ZFAND3: variants seen among roughly 807,000 people sequenced by gnomAD.
The protein encoded by ZFAND3 is AN1-type zinc finger protein 3.
Under a neutral mutation model 29.6 loss-of-function variants are expected in ZFAND3, and 10 were observed. The observed-to-expected ratio is 0.34, with a 90% confidence interval of 0.21 to 0.57. The LOEUF (loss-of-function observed/expected upper bound fraction) is 0.57. Ranked by LOEUF, ZFAND3 falls within the 20% of genes least tolerant of loss-of-function variation. The pLI is 0.86. For missense variants in ZFAND3, 230 were observed against 304.5 expected, an observed-to-expected ratio of 0.76 and a Z score of 1.82; for synonymous variants, 128 against 112.6, an observed-to-expected ratio of 1.14 and a Z score of -0.87.
chr6:37,895,690 G>A (rs1011575439), intron 1 of ZFAND3, among the ~76,000 whole-genome samples: 4 of 151,932 alleles, frequency 2.6e-5, no homozygotes, highest in African/African-American at 9.7e-5. Context: ...TTGCATGCTA[G>A]TTAAAAGTTT....
At chr6:37,908,037 CCACCCCG>C (rs1765441815) in intron 1 of ZFAND3, among the ~76,000 whole-genome samples, 1 of 152,070 alleles carries the variant, frequency 6.6e-6, no homozygotes, top group East Asian at 1.9e-4. Context: ...TCTGTAGTTC[CCACCCCG>C]CCGTTTCTAA....
Position 37,925,703 on chromosome 6 carries a change from C to CAAA in ZFAND3, c.72-4242_72-4240dup, listed in dbSNP as rs35278839. Among the ~76,000 whole-genome samples, 21 of 118,660 alleles carry CAAA rather than the reference C, an allele frequency of 1.8e-4. No individual in the cohort carries two copies. In the East Asian group the frequency reaches 2.4e-3, roughly 13 times the overall value. 77.8% of individuals were successfully genotyped at this position (118,660 alleles called of 152,430 possible). A position where few individuals can be genotyped will look rare whatever the true frequency, so the allele number is the denominator to read the frequency against. ...TGGGCAACAGAGCTACACTCCATCT[C>CAAA]AAAAAAAAAAAAAAAAGGTTTCTAG... On this transcript the variant is annotated intron_variant, in intron 1 of 5. Coordinates refer to ENST00000287218, the MANE Select transcript of ZFAND3 (RefSeq NM_021943.3).
intron 2 of ZFAND3, among the ~76,000 whole-genome samples, chr6:37,960,481 C>A (rs1762175356): frequency 1.3e-5 from 2 of 152,172 alleles, no homozygotes; most frequent in Admixed American, 1.3e-4. Flanking sequence ...TTTGCCTGAG[C>A]CTGGCAACTT....
At chr6:38,064,631 ACTTGCCAGTTTAG>A (rs2127464630) in intron 3 of ZFAND3, among the ~76,000 whole-genome samples, 1 of 150,016 alleles carries the variant, frequency 6.7e-6, no homozygotes, top group East Asian at 2.0e-4. Context: ...ACCAAGAGTT[ACTTGCCAGTTTAG>A]GCCACTGTAG....
At chr6:37,941,371 CTT>C (rs2127417125) in intron 2 of ZFAND3, among the ~76,000 whole-genome samples, 1 of 152,242 alleles carries the variant, frequency 6.6e-6, no homozygotes, top group African/African-American at 2.4e-5. Context: ...CTGCTCTTTT[CTT>C]TTAGTTCAGT....
intron 3 of ZFAND3, among the ~76,000 whole-genome samples, chr6:38,079,869 G>A (rs1054257193): frequency 1.7e-4 from 26 of 152,038 alleles, no homozygotes; most frequent in African/African-American, 5.1e-4. Context: ...CAGGGCTTGG[G>A]AACTTGTATT....
At chr6:37,977,907 T>C (rs1204318586) in intron 2 of ZFAND3, among the ~76,000 whole-genome samples, 1 of 132,430 alleles carries the variant, frequency 7.6e-6, no homozygotes, top group Non-Finnish European at 1.6e-5. Context: ...CCTCTCCTCT[T>C]CCTTTCTTCC....
intron 2 of ZFAND3, among the ~76,000 whole-genome samples, chr6:37,937,982 T>A (rs1761734942): frequency 6.6e-6 from 1 of 152,192 alleles, no homozygotes; most frequent in South Asian, 2.1e-4. Flanking sequence ...ATGTTTTGCC[T>A]TTTTTCTTAT....
chr6:37,844,557 A>AG (rs1764142682), intron 1 of ZFAND3, among the ~76,000 whole-genome samples: 1 of 152,048 alleles, frequency 6.6e-6, no homozygotes. Context: ...CTGAGATAAC[A>AG]GGCGTGAGCC....
intron 2 of ZFAND3, among the ~76,000 whole-genome samples, chr6:38,051,185 A>T (rs1385070262): frequency 2.6e-5 from 4 of 152,146 alleles, no homozygotes; most frequent in Admixed American, 2.6e-4. Context: ...TCCCAGTCCC[A>T]CCACCATCCT....
chr6:37,884,221 C>T lies in ZFAND3; in HGVS notation c.72-45738C>T, dbSNP rs138232020. On this transcript the variant is annotated intron_variant, in intron 1 of 5. Coordinates refer to ENST00000287218, the MANE Select transcript of ZFAND3 (RefSeq NM_021943.3). ...GAGAATTACGTCAGGTGGCTGGATG[C>T]GGTGGCTCACGCCTGTAATCCCAGC... Among the ~76,000 whole-genome samples, 6 of 145,152 alleles carry T rather than the reference C, an allele frequency of 4.1e-5. 2 individuals carry two copies. Among genetic ancestry groups the T allele is most frequent in the South Asian group, 4.3e-4 (2 of 4,678 alleles).
intron 5 of ZFAND3, among the ~76,000 whole-genome samples, chr6:38,126,459 G>T (rs1448014501): frequency 6.6e-6 from 1 of 152,138 alleles, no homozygotes. Context: ...CCTTAACATT[G>T]TAAGAAACTT....
At chr6:37,952,730 C>G (rs1293122956) in intron 2 of ZFAND3, among the ~76,000 whole-genome samples, 4 of 152,066 alleles carry the variant, frequency 2.6e-5, no homozygotes, top group Non-Finnish European at 5.9e-5. Context: ...ACCAATTTAA[C>G]TCACCCCTTC....
Position 38,061,702 on chromosome 6 carries a change from C to A in ZFAND3, c.222C>A (p.Thr74=). 6.2e-7 allele frequency: 1 copy of A among 1,614,134 alleles called. No homozygotes were observed. The highest frequency in any genetic ancestry group is 2.2e-5 in the East Asian group (1 of 44,872). ...GTGACAACAACAATACCTCGATAAC[C>A]ACGCCAACTCTTAGTCCCAGCCAGC... ...TTSDNNNTSI[T]TPTLSPSQQP... Residue 74 remains threonine (T), a synonymous_variant, in exon 3 of 6, where the codon ACC becomes ACA. Coordinates refer to ENST00000287218, the MANE Select transcript of ZFAND3 (RefSeq NM_021943.3).
At chr6:37,951,065 G>C (rs1443593174) in intron 2 of ZFAND3, among the ~76,000 whole-genome samples, 1 of 152,038 alleles carries the variant, frequency 6.6e-6, no homozygotes, top group African/African-American at 2.4e-5. Context: ...TATAATTCTT[G>C]TTGTAGAGAT....
At position 37,932,267 on chromosome 6, in the gene ZFAND3, A is replaced by G. The variant is rs909228052; in HGVS notation, c.112+2268A>G. ...CAGAACGAGACTCTGTCTCAAAAAA[A>G]AAAAAATAAATAAATAAAAGGACTG... On this transcript the variant is annotated intron_variant, in intron 2 of 5. Coordinates refer to ENST00000287218, the MANE Select transcript of ZFAND3 (RefSeq NM_021943.3). Among the ~76,000 whole-genome samples the G allele has an allele frequency of 3.1e-3, 468 of 152,118 alleles. 3 individuals are homozygous for G. Among genetic ancestry groups the G allele is most frequent in the African/African-American group, 0.011 (445 of 41,454 alleles).
At chr6:37,865,308 T>C (rs1764569967) in intron 1 of ZFAND3, among the ~76,000 whole-genome samples, 1 of 152,212 alleles carries the variant, frequency 6.6e-6, no homozygotes, top group Non-Finnish European at 1.5e-5. Context: ...GTTGTTGTAT[T>C]GTTTTGTTTA....
At chr6:37,848,826 T>G (rs1764229610) in intron 1 of ZFAND3, among the ~76,000 whole-genome samples, 2 of 152,214 alleles carry the variant, frequency 1.3e-5, no homozygotes, top group Non-Finnish European at 2.9e-5. Context: ...GTCTCGATGC[T>G]GGTAGTCTGG....
chr6:38,126,618 G>T (rs1383209967), intron 5 of ZFAND3, among the ~76,000 whole-genome samples: 2 of 152,102 alleles, frequency 1.3e-5, no homozygotes, highest in Non-Finnish European at 2.9e-5. Flanking sequence ...TCTCATTATG[G>T]TATATTAATT....
Sources: allele counts gnomAD v4.1 joint callset (sites outside exome capture counted in the v4.1 genomes callset), GRCh38; gene constraint gnomAD v4.1.1; transcripts MANE v1.5; gene names NCBI Gene and HGNC (gene_info 2026-07-23, HGNC 2026-07-21).